Variants in CEP128 observed in about 807,000 individuals in gnomAD.
CEP128 encodes centrosomal protein 128kDa.
A neutral mutation model predicts 156.7 loss-of-function variants in CEP128; 132 were observed. The observed-to-expected ratio is 0.84, with a 90% CI of 0.73 to 0.97. The LOEUF (loss-of-function observed/expected upper bound fraction) is 0.97. CEP128 is among the 50% of genes least tolerant of loss of function. CEP128 has a pLI of 0.00. For missense variants in CEP128, 1,252 were observed against 1,281.9 expected, an observed-to-expected ratio of 0.98 and a Z score of 0.36; for synonymous variants, 469 against 448.9, an observed-to-expected ratio of 1.04 and a Z score of -0.57.
At position 80,838,285 on chromosome 14, in the gene CEP128, T is replaced by G. The variant is rs1328308033; in HGVS notation, c.850-7A>C. The G allele has an allele frequency of 1.2e-6, 2 of 1,608,164 alleles. No homozygotes were observed. Among genetic ancestry groups the G allele is most frequent in the Non-Finnish European group, 1.7e-6 (2 of 1,175,728 alleles). ...GCTCCAATTCCTGTTCAAGCTAGAG[T>G]TTCAACAAAGGATAAAGAAAAATGC... is the stretch of plus-strand genomic sequence containing the variant. On this transcript the variant is annotated splice_polypyrimidine_tract_variant and splice_region_variant and intron_variant, in intron 10 of 24. Transcript: ENST00000555265.
At chr14:80,955,576 C>G in intron 2 of CEP128, 1 of 1,407,680 alleles carries the variant, frequency 7.1e-7, no homozygotes, top group East Asian at 2.3e-5. Flanking sequence ...CCTCTTCCCA[C>G]CCCTCCCGCT....
chr14:80,611,009 G>A (rs943654534), intron 19 of CEP128, among the ~76,000 whole-genome samples: 1 of 152,010 alleles, frequency 6.6e-6, no homozygotes, highest in African/African-American at 2.4e-5. Context: ...TATAAGTTAT[G>A]CCTGGAAGGA....
chr14:80,690,060 T>G (rs1417503497), intron 19 of CEP128, among the ~76,000 whole-genome samples: 3 of 151,820 alleles, frequency 2.0e-5, no homozygotes, highest in African/African-American at 7.3e-5. Context: ...CCACTTGCTA[T>G]TGTGTTAGGA....
Position 80,899,955 on chromosome 14 carries a change from C to T in CEP128, c.555G>A (p.Glu185=), listed in dbSNP as rs752874637. 26 of 1,613,106 alleles carry T rather than the reference C, an allele frequency of 1.6e-5. No homozygotes were observed. Among genetic ancestry groups the T allele is most frequent in the Non-Finnish European group, 2.0e-5 (24 of 1,179,264 alleles). Reference sequence around the variant, plus strand: ...GCTTTTACCGGCTCCTTCTGGAAAGCTCCCTGTTGAAATCATCTCCAAGGC... The same window carrying T: ...GCTTTTACCGGCTCCTTCTGGAAAGTTCCCTGTTGAAATCATCTCCAAGGC... The part of the protein sequence containing the change: ...QIRLGDDFNR[E]LSRRSRSDAE... Residue 185 remains glutamate, a synonymous_variant, in exon 7 of 25, where the codon GAG becomes GAA. Coordinates refer to ENST00000555265, the MANE Select transcript of CEP128 (RefSeq NM_152446.5).
In CEP128 at chr14:80,513,311, G is replaced by A. The variant is rs1041419975; in HGVS notation, c.3073-8291C>T. Among the ~76,000 whole-genome samples, 9 of 152,290 alleles carry A rather than the reference G, an allele frequency of 5.9e-5. No homozygotes were observed. In the South Asian group the frequency reaches 1.7e-3, roughly 28 times the overall value. Reference sequence around the variant, plus strand: ...ATGTCATGCCTGCCTCTCCTGGCCTGTAAGATTTCCACTGAAAAGTCTGCT... The same window carrying A: ...ATGTCATGCCTGCCTCTCCTGGCCTATAAGATTTCCACTGAAAAGTCTGCT... On this transcript the variant is annotated intron_variant, in intron 23 of 24. Transcript: ENST00000555265.
intron 23 of CEP128, among the ~76,000 whole-genome samples, chr14:80,522,908 T>C (rs1264799166): frequency 6.6e-6 from 1 of 152,250 alleles, no homozygotes; most frequent in Non-Finnish European, 1.5e-5. Context: ...TCAGGCGTTG[T>C]CCAGTTAGCT....
intron 19 of CEP128, among the ~76,000 whole-genome samples, chr14:80,692,475 CT>C (rs1896752117): frequency 6.6e-6 from 1 of 152,054 alleles, no homozygotes; most frequent in Admixed American, 6.6e-5. Context: ...AGCATGAAAA[CT>C]GGAAGTAACA....
At chr14:80,944,938 A>G (rs183586505), upstream of CEP128, among the ~76,000 whole-genome samples, 1 of 150,670 alleles carries the variant, frequency 6.6e-6, no homozygotes, top group Non-Finnish European at 1.5e-5. Flanking sequence ...TCTTCATAGC[A>G]GGGTGAAAAC....
intron 19 of CEP128, among the ~76,000 whole-genome samples, chr14:80,704,023 T>C (rs748428966): frequency 5.9e-5 from 9 of 152,118 alleles, no homozygotes; most frequent in Non-Finnish European, 1.3e-4. Context: ...ACAAAATGGT[T>C]ATTGATAAAA....
chr14:80,513,874 G>A (rs976828439), intron 23 of CEP128, among the ~76,000 whole-genome samples: 9 of 152,272 alleles, frequency 5.9e-5, no homozygotes, highest in Admixed American at 1.3e-4. Context: ...GAAAATCTGC[G>A]TCTGTGAAGA....
At chr14:80,624,864 GATT>G (rs529614383) in intron 19 of CEP128, among the ~76,000 whole-genome samples, 17 of 152,230 alleles carry the variant, frequency 1.1e-4, no homozygotes, top group Non-Finnish European at 2.2e-4. Context: ...CCATTCCACA[GATT>G]ATGTCTTCAC....
At chr14:80,536,752 G>A (rs1018668591) in intron 21 of CEP128, among the ~76,000 whole-genome samples, 18 of 152,152 alleles carry the variant, frequency 1.2e-4, no homozygotes, top group African/African-American at 4.3e-4. Flanking sequence ...ATAGGCCACC[G>A]AAGTCACGGT....
At chr14:80,753,552 C>G (rs183176480) in intron 18 of CEP128, among the ~76,000 whole-genome samples, 29 of 152,280 alleles carry the variant, frequency 1.9e-4, no homozygotes, top group African/African-American at 5.3e-4. Flanking sequence ...GTATGTGAGT[C>G]CATCCTGAGA....
At chr14:80,831,466 AC>A (rs1885795491) in intron 12 of CEP128, among the ~76,000 whole-genome samples, 172 bp from the exon 13 acceptor site, 1 of 152,184 alleles carries the variant, frequency 6.6e-6, no homozygotes, top group African/African-American at 2.4e-5. Context: ...GCTTTCAAAA[AC>A]ATATACATTG....
chr14:80,614,953 A>C (rs1266993595), intron 19 of CEP128, among the ~76,000 whole-genome samples: 1 of 152,234 alleles, frequency 6.6e-6, no homozygotes, highest in Non-Finnish European at 1.5e-5. Flanking sequence ...TCAATGAATT[A>C]TCACCAAATA....
intron 13 of CEP128, among the ~76,000 whole-genome samples, chr14:80,797,724 C>A (rs997418777): frequency 2.6e-5 from 4 of 152,156 alleles, no homozygotes; most frequent in African/African-American, 9.7e-5. Context: ...CTCTCACTCA[C>A]ATACATATGA....
intron 19 of CEP128, among the ~76,000 whole-genome samples, chr14:80,657,416 C>T (rs904111871): frequency 5.9e-5 from 9 of 151,946 alleles, no homozygotes; most frequent in Admixed American, 5.2e-4. Flanking sequence ...CTTTGGGAGG[C>T]CAAGGTGGGC....
chr14:80,762,693 G>A (rs1476850631), intron 16 of CEP128, among the ~76,000 whole-genome samples: 4 of 152,016 alleles, frequency 2.6e-5, no homozygotes, highest in African/African-American at 9.7e-5. Flanking sequence ...TTTCCACTCT[G>A]CTGGAATTTG....
chr14:80,930,135 G>A (rs867884913), intron 2 of CEP128, among the ~76,000 whole-genome samples: 2 of 152,186 alleles, frequency 1.3e-5, no homozygotes, highest in Admixed American at 1.3e-4. Flanking sequence ...GACCTGAGGT[G>A]GAGCTGAGGT....
Sources: allele counts gnomAD v4.1 joint callset (sites outside exome capture counted in the v4.1 genomes callset), GRCh38; gene constraint gnomAD v4.1.1; transcripts MANE v1.5; gene names NCBI Gene and HGNC (gene_info 2026-07-23, HGNC 2026-07-21).